The following MGAT5 variants were observed in gnomAD, a reference collection of about 807,000 sequenced individuals.
MGAT5 encodes alpha-1,6-mannosylglycoprotein 6-beta-N-acetylglucosaminyltransferase A.
Under a neutral mutation model 94.3 loss-of-function variants are expected in MGAT5, and 30 were observed. The observed-to-expected ratio is 0.32, with a 90% CI of 0.24 to 0.43. MGAT5 has a LOEUF of 0.43. Ranked by LOEUF, MGAT5 falls within the 20% of genes least tolerant of loss-of-function variation. The pLI is 1.00. For synonymous variants in MGAT5, 310 were observed against 322.9 expected (o/e 0.96, Z 0.43); for missense variants, 691 against 905.5 (o/e 0.76, Z 3.04).
intron 14 of MGAT5, among the ~76,000 whole-genome samples, chr2:134,437,682 T>C (rs898375896): frequency 6.6e-6 from 1 of 152,178 alleles, no homozygotes; most frequent in African/African-American, 2.4e-5. Context: ...TATTATAAAA[T>C]TTAAAGGCTG....
chr2:134,269,987 A>G (rs1683932389), intron 1 of MGAT5, among the ~76,000 whole-genome samples: 1 of 152,258 alleles, frequency 6.6e-6, no homozygotes, highest in Non-Finnish European at 1.5e-5. Context: ...AACACGAAAA[A>G]TAACAAACTT....
intron 1 of MGAT5, among the ~76,000 whole-genome samples, chr2:134,203,642 C>A (rs1354240137): frequency 6.6e-6 from 1 of 152,016 alleles, no homozygotes; most frequent in African/African-American, 2.4e-5. Context: ...GTGCTTGTGA[C>A]CTTGAGCAAG....
At chr2:134,239,251 G>A (rs1251760978) in intron 1 of MGAT5, among the ~76,000 whole-genome samples, 1 of 152,138 alleles carries the variant, frequency 6.6e-6, no homozygotes, top group Non-Finnish European at 1.5e-5. Context: ...ACCCACCTCA[G>A]CCTCCCAAAG....
At chr2:134,174,782 G>T (rs1371917037) in intron 1 of MGAT5, among the ~76,000 whole-genome samples, 1 of 152,216 alleles carries the variant, frequency 6.6e-6, no homozygotes, top group Non-Finnish European at 1.5e-5. Flanking sequence ...TGGCTGGGGT[G>T]CATAGCTTGC....
chr2:134,244,305 GT>G (rs530595590), intron 1 of MGAT5, among the ~76,000 whole-genome samples: 1,720 of 143,130 alleles, frequency 0.012, 34 homozygotes, highest in African/African-American at 0.041. Flanking sequence ...AGCGTTTTTT[GT>G]TTTTTTTTTT....
chr2:134,289,387 C>T (rs141939144), intron 2 of MGAT5, among the ~76,000 whole-genome samples: 162 of 152,192 alleles, frequency 1.1e-3, no homozygotes, highest in Middle Eastern at 3.4e-3. Context: ...GGTAGTGGCC[C>T]GGGCACAAAG....
At chr2:134,443,758 G>A (rs1244173187) in intron 15 of MGAT5, among the ~76,000 whole-genome samples, 1 of 152,216 alleles carries the variant, frequency 6.6e-6, no homozygotes, top group Non-Finnish European at 1.5e-5. Flanking sequence ...TTTGCATATA[G>A]CTCTTGGAGT....
intron 1 of MGAT5, among the ~76,000 whole-genome samples, chr2:134,214,742 T>A (rs750249702): frequency 6.6e-6 from 1 of 152,200 alleles, no homozygotes; most frequent in Non-Finnish European, 1.5e-5. Context: ...AATATTTATG[T>A]CGCAACCTAA....
intron 10 of MGAT5, among the ~76,000 whole-genome samples, chr2:134,389,991 T>C (rs1275374046): frequency 6.6e-6 from 1 of 152,186 alleles, no homozygotes; most frequent in Non-Finnish European, 1.5e-5. Flanking sequence ...TTTTTCCCAA[T>C]CCTTCCTGCA....
chr2:134,271,885 TG>T (rs1235884038), intron 2 of MGAT5, among the ~76,000 whole-genome samples: 1 of 152,162 alleles, frequency 6.6e-6, no homozygotes, highest in Non-Finnish European at 1.5e-5. Flanking sequence ...AGTCTCCACT[TG>T]CCACCCCTGT....
chr2:134,291,634 T>G lies in MGAT5; in HGVS notation c.406+21084T>G, dbSNP rs141411389. Among the ~76,000 whole-genome samples the G allele has an allele frequency of 8.1e-3, 1,232 of 152,226 alleles. 15 individuals carry two copies. Among genetic ancestry groups the G allele is most frequent in the African/African-American group, 0.028 (1,175 of 41,528 alleles). ...CTTGAGAAGTTCCTTAGCACGTTCA[T>G]AGGGCGAAGTAAGGTCAGTGTGGCT... On this transcript the variant is annotated intron_variant, in intron 2 of 15. Coordinates refer to ENST00000281923, the MANE Select transcript of MGAT5 (RefSeq NM_002410.5).
At chr2:134,369,893 A>G (rs910296183) in intron 10 of MGAT5, among the ~76,000 whole-genome samples, 2 of 152,124 alleles carry the variant, frequency 1.3e-5, no homozygotes, top group African/African-American at 4.8e-5. Context: ...GTCTGCTATT[A>G]TAGGAGGTCA....
intron 12 of MGAT5, among the ~76,000 whole-genome samples, chr2:134,416,413 C>T (rs66604803): frequency 0.13 from 19,919 of 151,586 alleles, 1,733 homozygotes; most frequent in East Asian, 0.29. Flanking sequence ...TCTGGCTCAC[C>T]AACTTAGCAT....
chr2:134,220,640 G>A (rs533984730), intron 1 of MGAT5, among the ~76,000 whole-genome samples: 1 of 152,200 alleles, frequency 6.6e-6, no homozygotes, highest in East Asian at 1.9e-4. Context: ...TCTGTCCTTA[G>A]TGCGTATGTG....
rs1333044844 is a variant in MGAT5 at position 134,358,318 on chromosome 2, T to C, written c.1247-3957T>C. Among the ~76,000 whole-genome samples, 9 of 152,136 alleles carry C rather than the reference T, an allele frequency of 5.9e-5. No individual in the cohort carries two copies. In the East Asian group the frequency reaches 1.5e-3, roughly 26 times the overall value. On this transcript the variant is annotated intron_variant, in intron 9 of 15. Transcript: ENST00000281923. ...AAAAAAGTCCAGTAATAGTGGTTATTTCTAGGTGATGAAAATGTAACTTAT... is the reference window on the plus strand; with the variant it reads ...AAAAAAGTCCAGTAATAGTGGTTATCTCTAGGTGATGAAAATGTAACTTAT...
intron 10 of MGAT5, among the ~76,000 whole-genome samples, chr2:134,389,319 A>G (rs1682250973): frequency 6.6e-6 from 1 of 152,200 alleles, no homozygotes; most frequent in South Asian, 2.1e-4. Flanking sequence ...TATATTGACT[A>G]GTAAATATAG....
At chr2:134,228,344 G>A (rs1250917274) in intron 1 of MGAT5, among the ~76,000 whole-genome samples, 2 of 152,196 alleles carry the variant, frequency 1.3e-5, no homozygotes, top group Non-Finnish European at 2.9e-5. Context: ...AAATTATAGG[G>A]TAAGAAAAGC....
intron 2 of MGAT5, among the ~76,000 whole-genome samples, chr2:134,281,325 G>A (rs1263777164): frequency 1.3e-5 from 2 of 152,114 alleles, no homozygotes; most frequent in African/African-American, 2.4e-5. Flanking sequence ...CAACCTATGC[G>A]GACAGCATGA....
intron 2 of MGAT5, among the ~76,000 whole-genome samples, chr2:134,306,474 G>A (rs1212744817): frequency 6.6e-6 from 1 of 152,108 alleles, no homozygotes; most frequent in African/African-American, 2.4e-5. Flanking sequence ...ATTAATTAGG[G>A]ACGGACAAGA....
Sources: gnomAD v4.1 joint callset for allele counts (sites outside exome capture counted in the v4.1 genomes callset) on GRCh38, gnomAD v4.1.1 for gene constraint, MANE v1.5 for transcripts, NCBI Gene and HGNC (gene_info 2026-07-23, HGNC 2026-07-21) for gene names.